The following INPP5E variants were observed in gnomAD, a reference collection of about 807,000 sequenced individuals.
INPP5E encodes the protein inositol polyphosphate-5-phosphatase E.
A neutral mutation model predicts 50.5 loss-of-function variants in INPP5E; 34 were observed. That is an observed-to-expected ratio of 0.67 (90% CI 0.51 to 0.90). INPP5E has a LOEUF of 0.90. Ranked by LOEUF, INPP5E falls within the 40% of genes least tolerant of loss-of-function variation. INPP5E has a pLI of 0.00. For missense variants in INPP5E, 942 were observed against 905.5 expected, an observed-to-expected ratio of 1.04 and a Z score of -0.52; for synonymous variants, 447 against 406.0, an observed-to-expected ratio of 1.10 and a Z score of -1.21.
chr9:136,438,779 G>T lies in INPP5E; in HGVS notation c.641C>A (p.Ser214Ter). Residue 214 changes from serine (S) to a stop codon, truncating the protein, a stop_gained, in exon 1 of 10, where the codon TCG becomes TAG. Transcript: ENST00000371712. LOFTEE classifies it high-confidence loss of function. The part of the protein sequence containing the change: ...DSLRTANKVD[S>*]DLADYKLRAQ... ...GCGGAGCTTGTAGTCTGCAAGATCCGAGTCGACCTTGTTTGCTGTCCTCAG... is the reference window on the plus strand; with the variant it reads ...GCGGAGCTTGTAGTCTGCAAGATCCTAGTCGACCTTGTTTGCTGTCCTCAG... The T allele has an allele frequency of 1.2e-6, 2 of 1,612,124 alleles. No individual in the cohort carries two copies. The highest frequency in any genetic ancestry group is 1.7e-6 in the Non-Finnish European group (2 of 1,179,664).
In INPP5E at chr9:136,433,070, C is replaced by A; in HGVS notation, c.1165G>T (p.Glu389Ter). The A allele has an allele frequency of 6.2e-7, 1 of 1,611,722 alleles. No homozygotes were observed. The highest frequency in any genetic ancestry group is 8.5e-7 in the Non-Finnish European group (1 of 1,179,942). Residue 389 changes from glutamate to a stop codon, truncating the protein, a stop_gained, in exon 5 of 10, where the codon GAG becomes TAG. Coordinates refer to ENST00000371712, the MANE Select transcript of INPP5E (RefSeq NM_019892.6). LOFTEE classifies it high-confidence loss of function. ...ATGCGTGTGGTCACCGTGGAGCACT[C>A]CACCTCTGTGGGAGGGGCAGCCCTC... The part of the protein sequence containing the change: ...RDLIWFCSEV[E>*]CSTVTTRIVS...
intron 5 of INPP5E, 82 bp from the exon 6 acceptor site, chr9:136,432,668 CCT>C: frequency 9.8e-7 from 1 of 1,017,026 alleles, no homozygotes; most frequent in Non-Finnish European, 1.5e-6. Context: ...TGGACTGTGC[CCT>C]GACTGCGCAC....
rs143107549 is a variant in INPP5E at position 136,438,797 on chromosome 9, G to A, written c.623C>T (p.Thr208Ile). 462 of 1,612,202 alleles carry A rather than the reference G, an allele frequency of 2.9e-4. 2 individuals are homozygous for A. In the African/African-American group the frequency reaches 5.3e-3, roughly 19 times the overall value. The change falls in exon 1 of 10, where the codon ACA becomes ATA. Residue 208 changes from threonine to isoleucine, a missense_variant. Physicochemically the swap from Thr to Ile is moderately conservative, Grantham distance 89. Transcript: ENST00000371712. ...SLDIASDSLRTANKVDSDLAD... is the reference protein window; with the variant it reads ...SLDIASDSLRIANKVDSDLAD... The stretch of plus-strand genomic sequence containing the variant: ...AAGATCCGAGTCGACCTTGTTTGCT[G>A]TCCTCAGGGAGTCGGAGGCGATGTC...
intron 6 of INPP5E, among the ~76,000 whole-genome samples, chr9:136,432,199 C>T (rs1835724041): frequency 6.6e-6 from 1 of 152,188 alleles, no homozygotes; most frequent in Non-Finnish European, 1.5e-5. Context: ...CAGGCGATGG[C>T]CACGTCCCTG....
chr9:136,435,784 G>A (rs941909775), intron 1 of INPP5E: 3 of 152,212 alleles, frequency 2.0e-5, no homozygotes, highest in African/African-American at 7.2e-5. Flanking sequence ...AGGGGATGTG[G>A]ACACAAGGGG....
chr9:136,438,716 C>A lies in INPP5E; in HGVS notation c.704G>T (p.Gly235Val). ...PLLVRAHSSL[G>V]PGRPRSPLAC... ...CAGGGGGCTCCGCGGCCGGCCGGGG[C>A]CCAGGCTGCTGTGGGCCCGCACCAG... The change falls in exon 1 of 10, where the codon GGC (glycine) becomes GTC (valine). Residue 235 changes from glycine to valine, a missense_variant. Transcript: ENST00000371712. The A allele has an allele frequency of 6.2e-7, 1 of 1,607,752 alleles. No homozygotes were observed. The highest frequency in any genetic ancestry group is 8.5e-7 in the Non-Finnish European group (1 of 1,177,686).
At position 136,439,313 on chromosome 9, in the gene INPP5E, G is replaced by C. The variant is rs771207750; in HGVS notation, c.107C>G (p.Ala36Gly). The change falls in exon 1 of 10, where the codon GCG (alanine) becomes GGG (glycine). Residue 36 changes from alanine to glycine, a missense_variant. Ala to Gly is a moderately conservative substitution (Grantham distance 60, BLOSUM62 0). Coordinates refer to ENST00000371712, the MANE Select transcript of INPP5E (RefSeq NM_019892.6). ...GCCCGGAGCATCGGGTGGGGACCCC[G>C]CGCGCTGGGCCGGCGGAGCGCCGGG... ...QLPGAPPAQR[A>G]GSPPDAPGSE... The C allele has an allele frequency of 4.3e-6, 6 of 1,406,712 alleles. No individual in the cohort carries two copies. Among genetic ancestry groups the C allele is most frequent in the Admixed American group, 6.7e-5 (2 of 30,024 alleles). 87.1% of individuals were successfully genotyped at this position (1,406,712 alleles called of 1,614,324 possible).
At chr9:136,432,099 C>A (rs368787020) in intron 6 of INPP5E, 114 bp from the exon 7 acceptor site, 12 of 1,311,380 alleles carry the variant, frequency 9.2e-6, no homozygotes, top group Non-Finnish European at 1.3e-5. Flanking sequence ...GGGCGCCAGC[C>A]GGTGGGGCCG....
At chr9:136,432,328 C>T (rs1694029170) in intron 6 of INPP5E, 151 bp downstream of exon 6, 1 of 693,590 alleles carries the variant, frequency 1.4e-6, no homozygotes, top group South Asian at 1.5e-5. Flanking sequence ...TGCTAAAGAA[C>T]CGCGAGGGGC....
intron 6 of INPP5E, 129 bp from the exon 7 acceptor site, chr9:136,432,114 C>T (rs1012177183): frequency 4.2e-5 from 49 of 1,171,394 alleles, no homozygotes; most frequent in Non-Finnish European, 5.9e-5. Flanking sequence ...GGGCCGGGCC[C>T]TCAGGGGTGG....
Position 136,432,537 on chromosome 9 carries a change from T to C in INPP5E, c.1329A>G (p.Val443=). The C allele has an allele frequency of 1.9e-6, 3 of 1,551,314 alleles. No individual in the cohort carries two copies. Among genetic ancestry groups the C allele is most frequent in the Non-Finnish European group, 1.7e-6 (2 of 1,147,234 alleles). ...CATTTCTGGGCAGGACCAGGGCTTG[T>C]ACAGTCCTGGTGTAGTCCAGCAGCC... is the stretch of plus-strand genomic sequence containing the variant. ...AERLLDYTRT[V]QALVLPRNVP... is the part of the protein sequence containing the mutation. Residue 443 remains valine, a synonymous_variant, in exon 6 of 10, where the codon GTA becomes GTG. Coordinates refer to ENST00000371712, the MANE Select transcript of INPP5E (RefSeq NM_019892.6).
intron 3 of INPP5E, 72 bp from the exon 4 acceptor site, chr9:136,433,351 A>G: frequency 6.6e-7 from 1 of 1,510,730 alleles, no homozygotes; most frequent in Non-Finnish European, 8.8e-7. Flanking sequence ...CCTGCTGCCC[A>G]GAGCCCCTCG....
Position 136,434,917 on chromosome 9 carries a change from G to T in INPP5E, c.813-54C>A, listed in dbSNP as rs941113828. 76 of 1,568,286 alleles carry T rather than the reference G, an allele frequency of 4.8e-5. 2 individuals carry two copies. The Middle Eastern group carries it at 6.7e-4, about 14-fold the overall frequency. ...CCAGGCACAGGACACATCCCTGGGG[G>T]TCTGGGCCAGGTCCCCAGGGACAAT... On this transcript the variant is annotated intron_variant, in intron 1 of 9. Coordinates refer to ENST00000371712, the MANE Select transcript of INPP5E (RefSeq NM_019892.6).
intron 8 of INPP5E, 42 bp downstream of exon 8, chr9:136,430,960 G>A: frequency 7.2e-7 from 1 of 1,387,342 alleles, no homozygotes; most frequent in Middle Eastern, 1.8e-4. Context: ...GGAGATGCCT[G>A]CCCTGGAAGC....
chr9:136,433,766 C>T (rs936403638), intron 3 of INPP5E, among the ~76,000 whole-genome samples: 1 of 152,256 alleles, frequency 6.6e-6, no homozygotes, highest in Non-Finnish European at 1.5e-5. Flanking sequence ...AAATCTGACC[C>T]ATGCCTCCCA....
rs1305162665 is a variant in INPP5E at position 136,433,150 on chromosome 9, C to T, written c.1159+5G>A. On this transcript the variant is annotated splice_donor_5th_base_variant and intron_variant, in intron 4 of 9. Coordinates refer to ENST00000371712, the MANE Select transcript of INPP5E (RefSeq NM_019892.6). ...AGCCGCGCCCACCCCTCCAGCCGCG[C>T]CCACCTGAGCAGAACCAGATGAGGT... 6.2e-7 allele frequency: 1 copy of T among 1,608,062 alleles called. No homozygotes were observed. The highest frequency in any genetic ancestry group is 8.5e-7 in the Non-Finnish European group (1 of 1,179,888).
At chr9:136,433,905 C>A (rs1835769378) in intron 3 of INPP5E, 132 bp downstream of exon 3, 7 of 745,320 alleles carry the variant, frequency 9.4e-6, no homozygotes, top group Non-Finnish European at 1.6e-5. Flanking sequence ...CAGCGCCCAG[C>A]AGCTTCACAG....
rs779854628 is a variant in INPP5E, at chr9:136,438,728, T to C, written c.692A>G (p.His231Arg). 2.5e-6 allele frequency: 4 copies of C among 1,610,282 alleles called. No individual in the cohort carries two copies. The highest frequency in any genetic ancestry group is 2.2e-5 in the South Asian group (2 of 90,876). Residue 231 changes from histidine (H) to arginine (R), a missense_variant, in exon 1 of 10, where the codon CAC becomes CGC. Transcript: ENST00000371712. Reference protein sequence around the residue: ...LRAQPLLVRAHSSLGPGRPRS... With the variant: ...LRAQPLLVRARSSLGPGRPRS... ...CGGCCGGCCGGGGCCCAGGCTGCTG[T>C]GGGCCCGCACCAGGAGCGGCTGCGC... is the stretch of plus-strand genomic sequence containing the variant.
chr9:136,433,757 A>T (rs925079402), intron 3 of INPP5E, among the ~76,000 whole-genome samples: 3 of 152,236 alleles, frequency 2.0e-5, no homozygotes, highest in Non-Finnish European at 4.4e-5. Context: ...ACTGGAAAAA[A>T]ATCTGACCCA....
Sources: allele counts gnomAD v4.1 joint callset (sites outside exome capture counted in the v4.1 genomes callset), GRCh38; gene constraint gnomAD v4.1.1; transcripts MANE v1.5; gene names NCBI Gene and HGNC (gene_info 2026-07-23, HGNC 2026-07-21).